SMG7: variants seen among roughly 807,000 people sequenced by gnomAD.
SMG7 encodes SMG7 nonsense mediated mRNA decay factor, also known as nonsense-mediated mRNA decay factor SMG7.
SMG7 carries 34 observed loss-of-function variants against 148.2 expected under a neutral mutation model. The ratio of observed to expected loss-of-function variants is 0.23; its 90% confidence interval spans 0.17 to 0.31. The LOEUF (loss-of-function observed/expected upper bound fraction) is 0.31. Among genes scored for constraint, SMG7 ranks in the 10% least tolerant of loss-of-function variants. SMG7 has a pLI of 1.00. For missense variants in SMG7, 1,114 were observed against 1,408.4 expected (o/e 0.79, Z 3.35); for synonymous variants, 492 against 515.1 (o/e 0.96, Z 0.61).
chr1:183,490,791 A>G (rs550900658), intron 1 of SMG7, among the ~76,000 whole-genome samples: 1 of 152,244 alleles, frequency 6.6e-6, no homozygotes, highest in South Asian at 2.1e-4. Flanking sequence ...GCTTTTATTT[A>G]TATATTTAAT....
chr1:183,515,132 T>C (rs2102455628), intron 2 of SMG7, among the ~76,000 whole-genome samples: 1 of 152,330 alleles, frequency 6.6e-6, no homozygotes, highest in African/African-American at 2.4e-5. Context: ...CCCAATTTTG[T>C]ATTATGTGTA....
chr1:183,496,710 C>T (rs1658572484), intron 1 of SMG7, among the ~76,000 whole-genome samples: 1 of 152,140 alleles, frequency 6.6e-6, no homozygotes, highest in Non-Finnish European at 1.5e-5. Context: ...TATTTGTTTC[C>T]TTCTCAGTCT....
At chr1:183,478,871 T>G (rs886980388) in intron 1 of SMG7, among the ~76,000 whole-genome samples, 1 of 152,178 alleles carries the variant, frequency 6.6e-6, no homozygotes. Flanking sequence ...ATTCATCTGT[T>G]TGTAGGTATA....
At chr1:183,519,795 T>C (rs1213395361) in intron 4 of SMG7, among the ~76,000 whole-genome samples, 1 of 152,184 alleles carries the variant, frequency 6.6e-6, no homozygotes, top group Non-Finnish European at 1.5e-5. Context: ...CTTTTCCTTG[T>C]TAACAGTTTA....
At chr1:183,515,776 C>T in intron 2 of SMG7, 98 bp from the exon 3 acceptor site, 1 of 624,322 alleles carries the variant, frequency 1.6e-6, no homozygotes, top group Non-Finnish European at 2.8e-6. Context: ...CAGGTTTTGC[C>T]TTGGGGATAG....
chr1:183,537,306 AT>A lies in SMG7; in HGVS notation c.1234+92del. The A allele has an allele frequency of 2.3e-5, 21 of 907,674 alleles. No individual in the cohort carries two copies. The South Asian group carries it at 2.9e-4, about 13-fold the overall frequency. The allele number at this position is 907,674 out of a possible 1,614,324, so 56.2% of individuals were successfully genotyped here. Reference sequence around the variant, plus strand: ...GAGAAAAAGAGGTTTTTGGTGATGAATGATTGATTTTAAATTCAGTATCTCA... The same window carrying A: ...GAGAAAAAGAGGTTTTTGGTGATGAAGATTGATTTTAAATTCAGTATCTCA... On this transcript the variant is annotated intron_variant, in intron 11 of 22. Transcript: ENST00000688051.
At chr1:183,477,457 T>G (rs900483595) in intron 1 of SMG7, among the ~76,000 whole-genome samples, 1 of 151,546 alleles carries the variant, frequency 6.6e-6, no homozygotes, top group African/African-American at 2.4e-5. Context: ...TATACATGTG[T>G]GCATATGTGT....
intron 11 of SMG7, 26 bp downstream of exon 11, chr1:183,537,241 G>C (rs1408271385): frequency 1.3e-6 from 2 of 1,503,126 alleles, no homozygotes; most frequent in Non-Finnish European, 1.9e-6. Flanking sequence ...ACCTTGTGTT[G>C]TTGATGTGGT....
At position 183,551,495 on chromosome 1, in the gene SMG7, T is replaced by G. The variant is rs76488318; in HGVS notation, c.3450+305T>G. Among the ~76,000 whole-genome samples, 639 of 152,312 alleles carry G rather than the reference T, an allele frequency of 4.2e-3. 1 individual carries two copies. The highest frequency in any genetic ancestry group is 0.015 in the African/African-American group (613 of 41,568). The stretch of plus-strand genomic sequence containing the variant: ...TTGATTTAAGCCTTTTCTGACAAAA[T>G]AAGAGTATCTAATTTTAGAAATGTT... On this transcript the variant is annotated intron_variant, in intron 22 of 22. Coordinates refer to ENST00000688051, the MANE Select transcript of SMG7 (RefSeq NM_001375584.1).
intron 1 of SMG7, among the ~76,000 whole-genome samples, chr1:183,475,259 G>T (rs981642552): frequency 2.0e-5 from 3 of 152,186 alleles, no homozygotes; most frequent in Non-Finnish European, 4.4e-5. Context: ...TATAGTAGAA[G>T]GGCACAGTCA....
intron 1 of SMG7, among the ~76,000 whole-genome samples, chr1:183,480,880 T>C (rs1336359212): frequency 6.6e-6 from 1 of 152,192 alleles, no homozygotes; most frequent in Non-Finnish European, 1.5e-5. Flanking sequence ...CATCTGCTAC[T>C]TTCTGTGTGG....
intron 1 of SMG7, among the ~76,000 whole-genome samples, chr1:183,501,507 A>G (rs1659703455): frequency 6.6e-6 from 1 of 152,200 alleles, no homozygotes; most frequent in African/African-American, 2.4e-5. Context: ...AATAATAATA[A>G]CTTACTTTGT....
chr1:183,516,047 C>A, intron 3 of SMG7, 56 bp downstream of exon 3: 1 of 1,058,678 alleles, frequency 9.4e-7, no homozygotes, highest in Non-Finnish European at 1.4e-6. Flanking sequence ...TTCACCGAGA[C>A]TTTAAAACAG....
intron 2 of SMG7, among the ~76,000 whole-genome samples, chr1:183,515,060 A>G (rs774384319): frequency 2.0e-5 from 3 of 152,198 alleles, no homozygotes; most frequent in East Asian, 1.9e-4. Context: ...AGTTATTGCA[A>G]TCATAATCCC....
At chr1:183,530,159 C>T (rs529174363) in intron 8 of SMG7, among the ~76,000 whole-genome samples, 77 of 152,178 alleles carry the variant, frequency 5.1e-4, no homozygotes, top group African/African-American at 1.5e-3. Flanking sequence ...GACTACTCAT[C>T]GGTCATTGTT....
chr1:183,551,568 A>G (rs1671060657), intron 22 of SMG7, among the ~76,000 whole-genome samples: 1 of 152,254 alleles, frequency 6.6e-6, no homozygotes, highest in Admixed American at 6.5e-5. Flanking sequence ...GGTACCACAT[A>G]CAGCTGAGTT....
intron 1 of SMG7, chr1:183,472,868 C>A (rs1411811567): frequency 7.4e-6 from 3 of 405,032 alleles, no homozygotes; most frequent in Non-Finnish European, 1.3e-5. Context: ...GAAGCCGGCT[C>A]GTCCCGGTGC....
At position 183,537,199 on chromosome 1, in the gene SMG7, C is replaced by A. The variant is rs371763376; in HGVS notation, c.1218C>A (p.Asp406Glu). 19 of 1,611,560 alleles carry A rather than the reference C, an allele frequency of 1.2e-5. No individual in the cohort carries two copies. Among genetic ancestry groups the A allele is most frequent in the Non-Finnish European group, 1.5e-5 (18 of 1,177,914 alleles). ...LLNSFHPHEEDLSSISATPLP... is the reference protein window; with the variant it reads ...LLNSFHPHEEELSSISATPLP... ...ATAGTTTCCATCCCCATGAAGAGGACCTCTCAAGTATTAGTGGTAAGGGCT... is the reference window on the plus strand; with the variant it reads ...ATAGTTTCCATCCCCATGAAGAGGAACTCTCAAGTATTAGTGGTAAGGGCT... The change falls in exon 11 of 23, where the codon GAC becomes GAA. Residue 406 changes from aspartate to glutamate, a missense_variant. Asp to Glu is a conservative substitution (Grantham distance 45). Around this residue, in one of 4 missense-constraint regions of SMG7, gnomAD observed 102 missense variants for 147.2 expected, o/e 0.69. Transcript: ENST00000688051.
chr1:183,482,299 T>G (rs1462050428), intron 1 of SMG7, among the ~76,000 whole-genome samples: 7 of 152,084 alleles, frequency 4.6e-5, no homozygotes, highest in Non-Finnish European at 1.0e-4. Context: ...TTTGAGTAGC[T>G]GGTGTGTGTT....
Sources: gnomAD v4.1 joint callset for allele counts (sites outside exome capture counted in the v4.1 genomes callset) on GRCh38, gnomAD v4.1.1 for gene constraint, gnomAD v4.1.1 regional missense constraint, MANE v1.5 for transcripts, NCBI Gene and HGNC (gene_info 2026-07-23, HGNC 2026-07-21) for gene names.